The following FAM47E variants were observed in gnomAD, a reference collection of about 807,000 sequenced individuals.
The protein encoded by FAM47E is protein FAM47E.
A neutral mutation model predicts 41.6 loss-of-function variants in FAM47E; 32 were observed. That is an observed-to-expected ratio of 0.77 (90% confidence interval 0.58 to 1.03). The LOEUF is 1.03. Ranked by LOEUF, FAM47E falls within the 50% of genes least tolerant of loss-of-function variation. FAM47E has a pLI of 0.00. For synonymous variants in FAM47E, 184 were observed against 188.7 expected, an observed-to-expected ratio of 0.98 and a Z score of 0.20; for missense variants, 424 against 485.4, an observed-to-expected ratio of 0.87 and a Z score of 1.19.
chr4:76,219,794 C>A (rs1733277271), intron 2 of FAM47E, among the ~76,000 whole-genome samples: 1 of 152,044 alleles, frequency 6.6e-6, no homozygotes, highest in Non-Finnish European at 1.5e-5. Flanking sequence ...CCGCCCCTCA[C>A]CACTAACCTG....
chr4:76,237,547 C>T (rs1449490090), intron 2 of FAM47E, among the ~76,000 whole-genome samples: 1 of 152,044 alleles, frequency 6.6e-6, no homozygotes, highest in Non-Finnish European at 1.5e-5. Flanking sequence ...TGAGGACAAA[C>T]CAAGGAGTTT....
At chr4:76,252,575 GCTTT>G (rs1734017087) in intron 1 of FAM47E, among the ~76,000 whole-genome samples, 1 of 152,124 alleles carries the variant, frequency 6.6e-6, no homozygotes, top group South Asian at 2.1e-4. Flanking sequence ...TTAGGAATCA[GCTTT>G]CTAAGATTGT....
intron 2 of FAM47E, among the ~76,000 whole-genome samples, chr4:76,238,718 A>G (rs752675431): frequency 6.6e-6 from 1 of 152,226 alleles, no homozygotes; most frequent in Non-Finnish European, 1.5e-5. Context: ...ACATTTAAAA[A>G]AACTTTATTG....
At chr4:76,248,236 T>A (rs1190094764), upstream of FAM47E, among the ~76,000 whole-genome samples, 1 of 152,002 alleles carries the variant, frequency 6.6e-6, no homozygotes, top group Admixed American at 6.6e-5. Context: ...CTTGATCATG[T>A]TTTTCGATAT....
At chr4:76,239,005 T>C (rs978516935) in intron 2 of FAM47E, among the ~76,000 whole-genome samples, 1 of 152,234 alleles carries the variant, frequency 6.6e-6, no homozygotes, top group Non-Finnish European at 1.5e-5. Flanking sequence ...CTTTTTGTTA[T>C]TGTCTCATTT....
intron 2 of FAM47E, among the ~76,000 whole-genome samples, chr4:76,257,559 C>T (rs376486875): frequency 6.6e-6 from 1 of 152,264 alleles, no homozygotes; most frequent in African/African-American, 2.4e-5. Flanking sequence ...GCTCCCTCTC[C>T]AACTTCACCC....
chr4:76,215,843 C>T (rs909049212), intron 1 of FAM47E, among the ~76,000 whole-genome samples: 2 of 152,174 alleles, frequency 1.3e-5, no homozygotes, highest in African/African-American at 4.8e-5. Context: ...CTAGACATTA[C>T]AGAGCAGAGG....
At position 76,283,513 on chromosome 4, in the gene FAM47E, C is replaced by T; in HGVS notation, c.*55C>T. 9.5e-7 allele frequency: 1 copy of T among 1,056,588 alleles called. No individual in the cohort carries two copies. The highest frequency in any genetic ancestry group is 1.4e-6 in the Non-Finnish European group (1 of 703,258). The allele number at this position is 1,056,588 out of a possible 1,614,324, so 65.5% of individuals were successfully genotyped here. ...TTTATTACTACGTACTTGGCTATTTCTCTGTCTCCTTTTAAAGATTAAACA... is the reference window on the plus strand; with the variant it reads ...TTTATTACTACGTACTTGGCTATTTTTCTGTCTCCTTTTAAAGATTAAACA... On this transcript the variant is annotated 3_prime_UTR_variant, in exon 8 of 8. Coordinates refer to ENST00000424749, the MANE Select transcript of FAM47E (RefSeq NM_001136570.3).
At chr4:76,269,787 C>CAAA (rs5859506) in intron 4 of FAM47E, among the ~76,000 whole-genome samples, 19 of 146,708 alleles carry the variant, frequency 1.3e-4, no homozygotes, top group African/African-American at 4.0e-4. Flanking sequence ...GATCCTGTCT[C>CAAA]AAAAAAAAAA....
intron 5 of FAM47E, among the ~76,000 whole-genome samples, chr4:76,276,884 C>T (rs571198737): frequency 2.3e-4 from 35 of 152,272 alleles, no homozygotes; most frequent in African/African-American, 8.2e-4. Context: ...ATTTCCCTCC[C>T]GTCTCCTCTG....
chr4:76,226,594 A>G (rs187790118), intron 2 of FAM47E, among the ~76,000 whole-genome samples: 1 of 152,256 alleles, frequency 6.6e-6, no homozygotes, highest in Admixed American at 6.5e-5. Flanking sequence ...CATAGGCCAC[A>G]AGGGGTTTTG....
chr4:76,275,492 G>A (rs971747039), intron 5 of FAM47E, among the ~76,000 whole-genome samples: 19 of 152,056 alleles, frequency 1.2e-4, no homozygotes, highest in African/African-American at 4.6e-4. Context: ...TTTGAGCACC[G>A]ACCACTATGT....
At chr4:76,217,615 T>C in exon 2 of FAM47E, 1 of 622,686 alleles carries the variant, frequency 1.6e-6, no homozygotes, top group Non-Finnish European at 2.9e-6. Flanking sequence ...CCAATGCAGA[T>C]GTCTGTGCCG....
chr4:76,217,597 GC>G, exon 2 of FAM47E: 2 of 552,068 alleles, frequency 3.6e-6, no homozygotes, highest in Non-Finnish European at 3.3e-6. Context: ...GCAGCCTGAG[GC>G]CCTCATCCAA....
upstream of FAM47E, among the ~76,000 whole-genome samples, chr4:76,247,256 C>G (rs1450197169): frequency 6.6e-6 from 1 of 152,052 alleles, no homozygotes; most frequent in African/African-American, 2.4e-5. Flanking sequence ...AGGGTTAATC[C>G]ATGTTATAAC....
intron 2 of FAM47E, among the ~76,000 whole-genome samples, chr4:76,230,337 C>T (rs1596117): frequency 0.21 from 31,710 of 152,046 alleles, 3,508 homozygotes; most frequent in East Asian, 0.36. Flanking sequence ...TCCCACACAG[C>T]TGGTGAGGCT....
intron 6 of FAM47E, chr4:76,278,634 A>G (rs1194786464): frequency 1.9e-5 from 4 of 213,216 alleles, no homozygotes; most frequent in Non-Finnish European, 3.7e-5. Flanking sequence ...ATGTCAAAAA[A>G]TTCAAAATTT....
At chr4:76,264,678 C>T (rs1734555716) in intron 3 of FAM47E, among the ~76,000 whole-genome samples, 1 of 152,186 alleles carries the variant, frequency 6.6e-6, no homozygotes, top group Non-Finnish European at 1.5e-5. Context: ...TCACTGCAAC[C>T]TCTACCTCCT....
At chr4:76,214,810 C>T (rs1005522160) in intron 1 of FAM47E, among the ~76,000 whole-genome samples, 1 of 152,214 alleles carries the variant, frequency 6.6e-6, no homozygotes, top group African/African-American at 2.4e-5. Flanking sequence ...TTGTCCCAGT[C>T]CTCCAGAAAC....
Sources: allele counts gnomAD v4.1 joint callset (sites outside exome capture counted in the v4.1 genomes callset), GRCh38; gene constraint gnomAD v4.1.1; transcripts MANE v1.5; gene names NCBI Gene and HGNC (gene_info 2026-07-23, HGNC 2026-07-21).